The following GRID1 variants were observed in gnomAD, a reference collection of about 807,000 sequenced individuals.
GRID1 encodes the protein glutamate ionotropic receptor delta type subunit 1, also known as glutamate receptor ionotropic, delta-1.
Under a neutral mutation model 98.0 loss-of-function variants are expected in GRID1, and 28 were observed. That is an observed-to-expected ratio of 0.29 (90% CI 0.21 to 0.39). The LOEUF (loss-of-function observed/expected upper bound fraction) is 0.39. Ranked by LOEUF, GRID1 falls within the 10% of genes least tolerant of loss-of-function variation. The pLI is 1.00. For missense variants in GRID1, 1,111 were observed against 1,340.5 expected (o/e 0.83, Z 2.67); for synonymous variants, 553 against 538.5 (o/e 1.03, Z -0.37).
At chr10:86,214,377 G>A (rs1335833726) in intron 2 of GRID1, among the ~76,000 whole-genome samples, 1 of 152,146 alleles carries the variant, frequency 6.6e-6, no homozygotes, top group African/African-American at 2.4e-5. Context: ...CTGTGTGCTG[G>A]GTAGGTAACC....
intron 2 of GRID1, among the ~76,000 whole-genome samples, chr10:86,237,006 G>A (rs1384274764): frequency 6.6e-6 from 1 of 152,102 alleles, no homozygotes; most frequent in African/African-American, 2.4e-5. Context: ...CCATGGGCAG[G>A]CACGACACAG....
chr10:86,334,022 C>T (rs933445067), intron 2 of GRID1, among the ~76,000 whole-genome samples: 2 of 152,192 alleles, frequency 1.3e-5, no homozygotes, highest in South Asian at 2.1e-4. Context: ...CTCTCCTCTT[C>T]CCTCAAGCTG....
intron 4 of GRID1, among the ~76,000 whole-genome samples, chr10:86,014,906 G>T (rs1842962341): frequency 6.6e-6 from 1 of 152,140 alleles, no homozygotes; most frequent in Non-Finnish European, 1.5e-5. Flanking sequence ...CTCACTTAAG[G>T]TCTTTATGTT....
intron 3 of GRID1, among the ~76,000 whole-genome samples, chr10:86,144,109 C>T (rs1027036016): frequency 2.6e-5 from 4 of 152,112 alleles, no homozygotes; most frequent in East Asian, 3.9e-4. Flanking sequence ...GGTTCTTTAT[C>T]GCAGAACTTA....
At chr10:86,320,550 C>T (rs1847955697) in intron 2 of GRID1, among the ~76,000 whole-genome samples, 2 of 152,102 alleles carry the variant, frequency 1.3e-5, no homozygotes, top group Admixed American at 1.3e-4. Flanking sequence ...TGGGGAGTCA[C>T]TGTTTAAGGG....
At chr10:86,229,464 A>G (rs1235353728) in intron 2 of GRID1, among the ~76,000 whole-genome samples, 1 of 152,208 alleles carries the variant, frequency 6.6e-6, no homozygotes, top group African/African-American at 2.4e-5. Flanking sequence ...AAACGGGCTA[A>G]TAATAGCCCC....
chr10:86,022,035 A>C (rs749637442), intron 4 of GRID1, among the ~76,000 whole-genome samples: 1 of 152,222 alleles, frequency 6.6e-6, no homozygotes, highest in African/African-American at 2.4e-5. Context: ...TTAATACCAC[A>C]TTTTACTTAG....
Position 86,206,441 on chromosome 10 carries a change from C to T in GRID1, c.443G>A (p.Arg148His), listed in dbSNP as rs150264113. 73 of 1,614,028 alleles carry T rather than the reference C, an allele frequency of 4.5e-5. No homozygotes were observed. The highest frequency in any genetic ancestry group is 3.6e-4 in the East Asian group (16 of 44,884). The change falls in exon 3 of 16, where the codon CGC becomes CAC. Residue 148 changes from arginine (R) to histidine (H), a missense_variant. Physicochemically the swap from Arg to His is conservative, Grantham distance 29 (BLOSUM62 0). Coordinates refer to ENST00000327946, the MANE Select transcript of GRID1 (RefSeq NM_017551.3). The surrounding 1 kb of genome is among the most constrained non-coding windows in gnomAD (Gnocchi z 4.1). ...CAGCCTGAGCATGACATCATTGAGGCGGACGGGTGGTCTCGAAGCCAGTGT... is the reference window on the plus strand; with the variant it reads ...CAGCCTGAGCATGACATCATTGAGGTGGACGGGTGGTCTCGAAGCCAGTGT... ...AYTLASRPPV[R>H]LNDVMLRLVT...
intron 12 of GRID1, among the ~76,000 whole-genome samples, chr10:85,699,981 C>T (rs2132621017): frequency 6.6e-6 from 1 of 152,292 alleles, no homozygotes; most frequent in East Asian, 1.9e-4. Context: ...TTTCTAATGC[C>T]ATCCAGCTAT....
intron 8 of GRID1, among the ~76,000 whole-genome samples, chr10:85,852,972 C>A (rs1843074361): frequency 6.6e-6 from 1 of 152,194 alleles, no homozygotes; most frequent in African/African-American, 2.4e-5. Context: ...TATTGTGTCA[C>A]AACAAATTAT....
intron 12 of GRID1, among the ~76,000 whole-genome samples, chr10:85,689,457 A>G (rs1023807224): frequency 6.7e-6 from 1 of 149,708 alleles, no homozygotes; most frequent in Non-Finnish European, 1.5e-5. Flanking sequence ...AAAAAAAAAA[A>G]GCAATAATAA....
At chr10:86,354,319 C>T (rs1027826243) in intron 2 of GRID1, among the ~76,000 whole-genome samples, 2 of 152,244 alleles carry the variant, frequency 1.3e-5, no homozygotes, top group Non-Finnish European at 2.9e-5. Context: ...GACCCAGAGA[C>T]CAAGAGGTGT....
chr10:86,020,912 A>C (rs1843039621), intron 4 of GRID1, among the ~76,000 whole-genome samples: 1 of 152,188 alleles, frequency 6.6e-6, no homozygotes, highest in African/African-American at 2.4e-5. Context: ...AAAAACCCTA[A>C]GACTAGTGAA....
rs535317303 is a variant in GRID1, at chr10:85,700,068, C to T, written c.1997+22935G>A. On this transcript the variant is annotated intron_variant, in intron 12 of 15. Transcript: ENST00000327946. ...CTCCCACATCACCCAGGCATGCTGG[C>T]GTTCTTCAGCCCAGGACTCCAAATC... 2.6e-4 allele frequency among the ~76,000 whole-genome samples: 40 copies of T among 152,266 alleles called. No individual in the cohort carries two copies. The South Asian group carries it at 6.2e-3, about 24-fold the overall frequency.
chr10:85,664,351 G>C (rs946535330), intron 12 of GRID1, among the ~76,000 whole-genome samples: 1 of 152,228 alleles, frequency 6.6e-6, no homozygotes, highest in East Asian at 1.9e-4. Flanking sequence ...CTGTGGTCCT[G>C]TAGCCAGTAA....
chr10:85,848,599 A>G (rs187507154), intron 8 of GRID1, among the ~76,000 whole-genome samples: 1 of 152,348 alleles, frequency 6.6e-6, no homozygotes, highest in Non-Finnish European at 1.5e-5. Context: ...GTATGAAGGG[A>G]GAAGAAACAA....
At chr10:85,795,157 G>T (rs1842515175) in intron 8 of GRID1, among the ~76,000 whole-genome samples, 1 of 152,102 alleles carries the variant, frequency 6.6e-6, no homozygotes, top group South Asian at 2.1e-4. Flanking sequence ...CAAAAGACAG[G>T]ACAGCCTCGC....
intron 8 of GRID1, among the ~76,000 whole-genome samples, chr10:85,762,599 AG>A (rs1402945340): frequency 2.6e-5 from 4 of 152,170 alleles, no homozygotes; most frequent in Non-Finnish European, 4.4e-5. Flanking sequence ...GATAAGCCCT[AG>A]ACTGCTGCGT....
intron 7 of GRID1, 143 bp from the exon 8 acceptor site, chr10:85,854,758 T>TG (rs1843093144): frequency 1.4e-6 from 1 of 728,392 alleles, no homozygotes. Flanking sequence ...GAGGACAAGA[T>TG]GGGCTAGTGG....
Sources: gnomAD v4.1 joint callset for allele counts (sites outside exome capture counted in the v4.1 genomes callset) on GRCh38, gnomAD v4.1.1 for gene constraint, Gnocchi (gnomAD v3.1) non-coding constraint, MANE v1.5 for transcripts, NCBI Gene and HGNC (gene_info 2026-07-23, HGNC 2026-07-21) for gene names.